CAMK2D: variants seen among roughly 807,000 people sequenced by gnomAD.
The protein encoded by CAMK2D is calcium/calmodulin dependent protein kinase II delta.
In CAMK2D, 37 loss-of-function variants were observed where a neutral mutation model predicts 84.0. The observed-to-expected ratio is 0.44, with a 90% CI of 0.34 to 0.58. The LOEUF is 0.58. Among genes scored for constraint, CAMK2D ranks in the 20% least tolerant of loss-of-function variants. CAMK2D has a pLI of 0.02. For synonymous variants in CAMK2D, 202 were observed against 212.5 expected, an observed-to-expected ratio of 0.95 and a Z score of 0.43; for missense variants, 448 against 652.5, an observed-to-expected ratio of 0.69 and a Z score of 3.41.
At chr4:113,488,152 A>G (rs1262439341) in intron 16 of CAMK2D, among the ~76,000 whole-genome samples, 1 of 152,160 alleles carries the variant, frequency 6.6e-6, no homozygotes, top group Non-Finnish European at 1.5e-5. Context: ...TAGATTTAGT[A>G]GCTTATTAAA....
intron 2 of CAMK2D, among the ~76,000 whole-genome samples, chr4:113,716,434 C>T (rs1428868922): frequency 6.6e-6 from 1 of 151,972 alleles, no homozygotes; most frequent in Non-Finnish European, 1.5e-5. Context: ...TGGGTCACTT[C>T]AGGTCAGGAG....
chr4:113,736,504 T>C (rs2099581718), intron 2 of CAMK2D, among the ~76,000 whole-genome samples: 1 of 152,148 alleles, frequency 6.6e-6, no homozygotes, highest in South Asian at 2.1e-4. Flanking sequence ...TTAAATTGAG[T>C]GAAACAAAGG....
intron 2 of CAMK2D, among the ~76,000 whole-genome samples, chr4:113,682,678 G>A (rs542597869): frequency 6.6e-6 from 1 of 152,132 alleles, no homozygotes; most frequent in South Asian, 2.1e-4. Context: ...CTAAAATTAT[G>A]CAAAAACCTA....
At chr4:113,641,565 G>A (rs570706706) in intron 3 of CAMK2D, among the ~76,000 whole-genome samples, 1 of 152,290 alleles carries the variant, frequency 6.6e-6, no homozygotes, top group South Asian at 2.1e-4. Flanking sequence ...AGGACAGGGA[G>A]CCTAGAGAGC....
At chr4:113,746,221 G>A (rs1231400831) in intron 2 of CAMK2D, among the ~76,000 whole-genome samples, 2 of 152,088 alleles carry the variant, frequency 1.3e-5, no homozygotes, top group Non-Finnish European at 2.9e-5. Context: ...CCTTGTGTGT[G>A]TTCACTGTAT....
intron 4 of CAMK2D, among the ~76,000 whole-genome samples, chr4:113,566,057 T>C (rs879455707): frequency 4.6e-5 from 7 of 152,316 alleles, no homozygotes; most frequent in Middle Eastern, 3.4e-3. Context: ...CTTTTCAATA[T>C]TATCTTCAGT....
chr4:113,480,520 T>G lies in CAMK2D; in HGVS notation c.1136-14916A>C, dbSNP rs900936664. On this transcript the variant is annotated intron_variant, in intron 16 of 20. Transcript: ENST00000511664. ...TTAACAGGTGGGGCCCTTGAGTGGT[T>G]ATTAGAAGGGGACTAGTGCCCTTAT... Among the ~76,000 whole-genome samples, 4 of 152,244 alleles carry G rather than the reference T, an allele frequency of 2.6e-5. No homozygotes were observed. The East Asian group carries it at 5.8e-4, about 22-fold the overall frequency.
chr4:113,678,254 G>A (rs1350721395), intron 2 of CAMK2D, among the ~76,000 whole-genome samples: 2 of 152,136 alleles, frequency 1.3e-5, no homozygotes, highest in African/African-American at 2.4e-5. Flanking sequence ...AGGTGGATCT[G>A]AGAGCTCTTT....
At chr4:113,720,212 G>A (rs1173361293) in intron 2 of CAMK2D, among the ~76,000 whole-genome samples, 1 of 151,972 alleles carries the variant, frequency 6.6e-6, no homozygotes, top group East Asian at 1.9e-4. Flanking sequence ...AGGTCTTGTT[G>A]GCCATGATTT....
chr4:113,744,603 T>C (rs528364635), intron 2 of CAMK2D, among the ~76,000 whole-genome samples: 7 of 152,368 alleles, frequency 4.6e-5, no homozygotes, highest in African/African-American at 1.7e-4. Flanking sequence ...ATACTCTCCA[T>C]TGTTATCTTA....
At chr4:113,727,840 T>C (rs1053068083) in intron 2 of CAMK2D, among the ~76,000 whole-genome samples, 6 of 152,116 alleles carry the variant, frequency 3.9e-5, no homozygotes, top group Non-Finnish European at 7.4e-5. Flanking sequence ...ATAATGCACA[T>C]TTTTTAAAGG....
chr4:113,613,714 A>C (rs1174841590), intron 3 of CAMK2D, among the ~76,000 whole-genome samples: 1 of 152,162 alleles, frequency 6.6e-6, no homozygotes, highest in Non-Finnish European at 1.5e-5. Context: ...CAGCTATTTT[A>C]TCTGATAGAA....
intron 4 of CAMK2D, among the ~76,000 whole-genome samples, chr4:113,585,046 A>C (rs759049388): frequency 6.6e-6 from 1 of 152,098 alleles, no homozygotes; most frequent in Non-Finnish European, 1.5e-5. Context: ...CTTTGGGCCA[A>C]ATGTAACTAG....
chr4:113,646,482 G>A (rs1057332895), intron 3 of CAMK2D, among the ~76,000 whole-genome samples: 3 of 152,190 alleles, frequency 2.0e-5, no homozygotes, highest in Non-Finnish European at 2.9e-5. Context: ...GCATGGGGGA[G>A]GAAGGCTGCT....
chr4:113,666,647 T>A (rs1384257668), intron 2 of CAMK2D, among the ~76,000 whole-genome samples: 1 of 151,932 alleles, frequency 6.6e-6, no homozygotes, highest in Non-Finnish European at 1.5e-5. Context: ...GCATAAAACC[T>A]AAGGAAGGCT....
At chr4:113,670,019 G>A (rs180728357) in intron 2 of CAMK2D, among the ~76,000 whole-genome samples, 3 of 152,300 alleles carry the variant, frequency 2.0e-5, no homozygotes, top group East Asian at 1.9e-4. Context: ...GGTGGCTCAC[G>A]TCTGTAATCC....
intron 4 of CAMK2D, among the ~76,000 whole-genome samples, chr4:113,597,765 C>A (rs1232346033): frequency 2.0e-5 from 3 of 152,260 alleles, no homozygotes; most frequent in Non-Finnish European, 4.4e-5. Context: ...CCCTTCCTCA[C>A]TAACCTTAAT....
Position 113,642,042 on chromosome 4 carries a change from C to A in CAMK2D, c.220+19671G>T, listed in dbSNP as rs190199562. On this transcript the variant is annotated intron_variant, in intron 3 of 20. Transcript: ENST00000511664. ...TTTAAAAATAATAAAAAATAATAAA[C>A]AATAAATAAATAAAACAAGCAAACA... Among the ~76,000 whole-genome samples, 882 of 151,864 alleles carry A rather than the reference C, an allele frequency of 5.8e-3. 16 individuals carry two copies. The highest frequency in any genetic ancestry group is 0.02 in the African/African-American group (836 of 41,470).
intron 3 of CAMK2D, among the ~76,000 whole-genome samples, chr4:113,637,651 C>T (rs967407513): frequency 1.2e-4 from 18 of 152,168 alleles, no homozygotes; most frequent in African/African-American, 4.1e-4. Flanking sequence ...CAGGGGGTTT[C>T]CTTGAAATCT....
Sources: gnomAD v4.1 joint callset for allele counts (sites outside exome capture counted in the v4.1 genomes callset) on GRCh38, gnomAD v4.1.1 for gene constraint, MANE v1.5 for transcripts, NCBI Gene and HGNC (gene_info 2026-07-23, HGNC 2026-07-21) for gene names.